Variants in CPEB1 observed in about 807,000 individuals in gnomAD.
CPEB1 encodes cytoplasmic polyadenylation element-binding protein 1.
CPEB1 carries 7 observed loss-of-function variants against 65.8 expected under a neutral mutation model. That is an observed-to-expected ratio of 0.11 (90% CI 0.06 to 0.20). The LOEUF (loss-of-function observed/expected upper bound fraction) is 0.20, where lower values mean the gene tolerates loss of function less well. Among genes scored for constraint, CPEB1 ranks in the 10% least tolerant of loss-of-function variants. CPEB1 has a pLI of 1.00. For missense variants in CPEB1, 551 were observed against 712.2 expected, an observed-to-expected ratio of 0.77 and a Z score of 2.58; for synonymous variants, 262 against 260.0, an observed-to-expected ratio of 1.01 and a Z score of -0.08.
chr15:82,570,660 A>G (rs913689706), intron 4 of CPEB1, among the ~76,000 whole-genome samples: 3 of 152,010 alleles, frequency 2.0e-5, no homozygotes, highest in African/African-American at 7.3e-5. Context: ...CCCTACCAAG[A>G]AGACAAGGGA....
intron 3 of CPEB1, among the ~76,000 whole-genome samples, chr15:82,594,221 T>C (rs1178889167): frequency 6.6e-6 from 1 of 152,244 alleles, no homozygotes; most frequent in Admixed American, 6.5e-5. Context: ...TGAGAATCTG[T>C]TGTTGAGTGT....
At chr15:82,632,125 A>G (rs541592666) in intron 1 of CPEB1, among the ~76,000 whole-genome samples, 1 of 151,030 alleles carries the variant, frequency 6.6e-6, no homozygotes, top group Non-Finnish European at 1.5e-5. Context: ...GGGACTACAT[A>G]CGCCCGCCAC....
rs946180770 is a variant in CPEB1 at position 82,555,855 on chromosome 15, T to G, written c.940+15A>C. 5 of 1,605,286 alleles carry G rather than the reference T, an allele frequency of 3.1e-6. No individual in the cohort carries two copies. The highest frequency in any genetic ancestry group is 4.2e-6 in the Non-Finnish European group (5 of 1,177,398). On this transcript the variant is annotated intron_variant, in intron 6 of 12. Coordinates refer to ENST00000684509, the MANE Select transcript of CPEB1 (RefSeq NM_001365242.1). Reference sequence around the variant, plus strand: ...ATGAGGCCTCAGGCCTCACACATGCTCAAGGCACACTCACCTGCAGCTTGT... The same window carrying G: ...ATGAGGCCTCAGGCCTCACACATGCGCAAGGCACACTCACCTGCAGCTTGT...
At chr15:82,595,252 G>A (rs2042583391) in intron 3 of CPEB1, among the ~76,000 whole-genome samples, 1 of 152,090 alleles carries the variant, frequency 6.6e-6, no homozygotes, top group African/African-American at 2.4e-5. Context: ...TCCACATTTG[G>A]GATATTATGA....
intron 3 of CPEB1, among the ~76,000 whole-genome samples, chr15:82,614,087 G>A (rs988018811): frequency 1.3e-5 from 2 of 152,108 alleles, no homozygotes; most frequent in African/African-American, 2.4e-5. Flanking sequence ...CCCTGGGACG[G>A]CCCCAGGGGC....
intron 1 of CPEB1, among the ~76,000 whole-genome samples, chr15:82,630,889 T>C (rs915495726): frequency 3.3e-5 from 5 of 152,156 alleles, no homozygotes; most frequent in African/African-American, 7.2e-5. Context: ...ATACACAAAA[T>C]TGTGTCTTTT....
intron 3 of CPEB1, among the ~76,000 whole-genome samples, chr15:82,577,696 A>G (rs2040814388): frequency 1.3e-5 from 2 of 151,960 alleles, no homozygotes; most frequent in South Asian, 2.1e-4. Flanking sequence ...TTTGGGAAGT[A>G]TATTTTTGTA....
At chr15:82,604,503 C>T (rs1242721539) in intron 3 of CPEB1, among the ~76,000 whole-genome samples, 1 of 147,360 alleles carries the variant, frequency 6.8e-6, no homozygotes, top group Non-Finnish European at 1.5e-5. Context: ...AAAAAAAAGA[C>T]AGAAACAAGA....
intron 3 of CPEB1, among the ~76,000 whole-genome samples, chr15:82,625,597 T>C (rs1384782170): frequency 1.3e-5 from 2 of 152,198 alleles, no homozygotes; most frequent in African/African-American, 4.8e-5. Context: ...GGAACCCACC[T>C]ATACCAGAAA....
chr15:82,646,537 G>T (rs7166378), intron 1 of CPEB1, among the ~76,000 whole-genome samples: 1,889 of 152,284 alleles, frequency 0.012, 33 homozygotes, highest in African/African-American at 0.042. Context: ...TTCGGCTCCC[G>T]ACTCTCTTCC....
At chr15:82,627,811 T>C (rs1354955284) in intron 2 of CPEB1, among the ~76,000 whole-genome samples, 1 of 152,208 alleles carries the variant, frequency 6.6e-6, no homozygotes, top group Non-Finnish European at 1.5e-5. Context: ...GTTCAATTGA[T>C]ATTTTGTTCC....
chr15:82,646,508 C>T (rs1349772698), intron 1 of CPEB1, among the ~76,000 whole-genome samples: 1 of 152,116 alleles, frequency 6.6e-6, no homozygotes, highest in Non-Finnish European at 1.5e-5. Context: ...CGGGAGGCAC[C>T]CCGGCTTCTA....
intron 8 of CPEB1, among the ~76,000 whole-genome samples, chr15:82,552,843 C>G (rs1260658617): frequency 6.6e-6 from 1 of 152,242 alleles, no homozygotes; most frequent in Non-Finnish European, 1.5e-5. Flanking sequence ...CAAGCTGAGA[C>G]AGAGGATCCC....
chr15:82,629,988 A>T (rs576266615), intron 1 of CPEB1: 1 of 985,442 alleles, frequency 1.0e-6, no homozygotes, highest in East Asian at 1.1e-4. Context: ...AGCTCTCTAG[A>T]GTGGTGCCAT....
chr15:82,573,336 T>C, intron 3 of CPEB1: 1 of 633,634 alleles, frequency 1.6e-6, no homozygotes, highest in Admixed American at 3.3e-5. Flanking sequence ...TGTCAAAGCC[T>C]TGTTCATCAT....
In CPEB1 at chr15:82,607,374, G is replaced by C. The variant is rs1369424253; in HGVS notation, c.271+19819C>G. 4.6e-5 allele frequency among the ~76,000 whole-genome samples: 7 copies of C among 152,264 alleles called. No homozygotes were observed. In the East Asian group the frequency reaches 1.2e-3, roughly 25 times the overall value. ...AGGCTGAGGCAGGTGGATCACCTGA[G>C]GTCAGGAGTTCGAGACCAGCCTGGC... On this transcript the variant is annotated intron_variant, in intron 3 of 12. Transcript: ENST00000684509.
intron 9 of CPEB1, 69 bp from the exon 10 acceptor site, chr15:82,549,727 G>C (rs2035913549): frequency 2.8e-6 from 4 of 1,451,644 alleles, no homozygotes; most frequent in Non-Finnish European, 3.9e-6. Context: ...TGCACGGCAA[G>C]GTACGTGCTC....
intron 1 of CPEB1, among the ~76,000 whole-genome samples, chr15:82,635,007 C>T (rs540394592): frequency 6.6e-6 from 1 of 152,274 alleles, no homozygotes; most frequent in East Asian, 1.9e-4. Context: ...GCATGTGTCA[C>T]CACACCCAGC....
chr15:82,640,568 A>G (rs375692209), intron 1 of CPEB1: 2 of 152,248 alleles, frequency 1.3e-5, no homozygotes, highest in Middle Eastern at 3.4e-3. Context: ...ATAACCTTTA[A>G]ATCTTTTACC....
Sources: gnomAD v4.1 joint callset for allele counts (sites outside exome capture counted in the v4.1 genomes callset) on GRCh38, gnomAD v4.1.1 for gene constraint, MANE v1.5 for transcripts, NCBI Gene and HGNC (gene_info 2026-07-23, HGNC 2026-07-21) for gene names.